Variants in NOS1AP observed in about 807,000 individuals in gnomAD.
NOS1AP encodes the protein nitric oxide synthase 1 adaptor protein.
A neutral mutation model predicts 56.2 loss-of-function variants in NOS1AP; 21 were observed. The ratio of observed to expected loss-of-function variants is 0.37; its 90% confidence interval spans 0.26 to 0.54. The LOEUF (loss-of-function observed/expected upper bound fraction) is 0.54. NOS1AP is among the 20% of genes least tolerant of loss of function. NOS1AP has a pLI of 0.84. For synonymous variants in NOS1AP, 270 were observed against 274.6 expected, an observed-to-expected ratio of 0.98 and a Z score of 0.17; for missense variants, 522 against 657.8, an observed-to-expected ratio of 0.79 and a Z score of 2.26.
intron 1 of NOS1AP, among the ~76,000 whole-genome samples, chr1:162,134,578 T>C (rs1467996136): frequency 2.6e-5 from 4 of 151,242 alleles, no homozygotes; most frequent in Non-Finnish European, 5.9e-5. Context: ...TGGAGATGCA[T>C]GCATTCAGTG....
At chr1:162,180,724 G>A (rs569946215) in intron 2 of NOS1AP, among the ~76,000 whole-genome samples, 3 of 152,200 alleles carry the variant, frequency 2.0e-5, no homozygotes, top group African/African-American at 4.8e-5. Flanking sequence ...TTCTGCCAAC[G>A]ACAACGTGAG....
At chr1:162,247,466 G>A (rs1403532322) in intron 2 of NOS1AP, among the ~76,000 whole-genome samples, 3 of 152,148 alleles carry the variant, frequency 2.0e-5, no homozygotes, top group East Asian at 1.9e-4. Flanking sequence ...CTGGAGCACT[G>A]TAGGCCCCAC....
intron 1 of NOS1AP, among the ~76,000 whole-genome samples, chr1:162,113,650 C>T (rs557417495): frequency 6.6e-6 from 1 of 152,140 alleles, no homozygotes; most frequent in South Asian, 2.1e-4. Flanking sequence ...GGAGGGGTGC[C>T]ACACACTTTT....
intron 1 of NOS1AP, among the ~76,000 whole-genome samples, chr1:162,072,706 A>G (rs374244397): frequency 1.3e-5 from 2 of 152,196 alleles, no homozygotes; most frequent in African/African-American, 4.8e-5. Flanking sequence ...TTCAAACACC[A>G]TGTTAGTCAA....
At chr1:162,223,801 A>G (rs561413358) in intron 2 of NOS1AP, among the ~76,000 whole-genome samples, 1 of 152,332 alleles carries the variant, frequency 6.6e-6, no homozygotes, top group South Asian at 2.1e-4. Context: ...AGTTTAGTCT[A>G]TTTGAAGGAA....
chr1:162,146,088 G>T (rs1649453375), intron 1 of NOS1AP, among the ~76,000 whole-genome samples: 1 of 152,204 alleles, frequency 6.6e-6, no homozygotes, highest in Non-Finnish European at 1.5e-5. Flanking sequence ...GGAGATGAGA[G>T]CTGGGAGTGC....
chr1:162,336,174 A>G (rs1656934010), intron 5 of NOS1AP, among the ~76,000 whole-genome samples: 1 of 152,212 alleles, frequency 6.6e-6, no homozygotes, highest in African/African-American at 2.4e-5. Flanking sequence ...TAGTTGCTAT[A>G]TGCCTGAGAC....
At chr1:162,320,193 T>C (rs1284564350) in intron 4 of NOS1AP, among the ~76,000 whole-genome samples, 1 of 151,998 alleles carries the variant, frequency 6.6e-6, no homozygotes, top group Non-Finnish European at 1.5e-5. Flanking sequence ...AGAGAGGTCA[T>C]GCTGGACCAC....
chr1:162,289,849 T>C (rs1392904652), intron 3 of NOS1AP, among the ~76,000 whole-genome samples: 7 of 152,356 alleles, frequency 4.6e-5, no homozygotes, highest in African/African-American at 1.7e-4. Flanking sequence ...GGTATCTTCA[T>C]ACACCTCTGT....
intron 2 of NOS1AP, among the ~76,000 whole-genome samples, chr1:162,155,282 A>ATATATG (rs1649904426): frequency 2.2e-5 from 3 of 138,820 alleles, no homozygotes; most frequent in Admixed American, 7.1e-5. Context: ...ACATATACAC[A>ATATATG]TATATACATA....
At chr1:162,355,404 T>G in intron 7 of NOS1AP, 51 bp downstream of exon 7, 1 of 1,609,314 alleles carries the variant, frequency 6.2e-7, no homozygotes, top group South Asian at 1.1e-5. Context: ...TGCCCTCAGG[T>G]CATCAGTCAC....
chr1:162,154,704 T>A (rs369282877), intron 2 of NOS1AP, among the ~76,000 whole-genome samples: 3 of 152,210 alleles, frequency 2.0e-5, no homozygotes, highest in African/African-American at 7.2e-5. Flanking sequence ...TTCCCTCTCT[T>A]GTGACCTGTA....
intron 2 of NOS1AP, among the ~76,000 whole-genome samples, chr1:162,154,713 T>C (rs1334217796): frequency 6.6e-6 from 1 of 152,198 alleles, no homozygotes; most frequent in African/African-American, 2.4e-5. Flanking sequence ...TTGTGACCTG[T>C]AGCTCCTCAA....
At chr1:162,343,658 C>T (rs1657180946) in intron 5 of NOS1AP, among the ~76,000 whole-genome samples, 177 bp from the exon 6 acceptor site, 1 of 152,234 alleles carries the variant, frequency 6.6e-6, no homozygotes, top group Non-Finnish European at 1.5e-5. Context: ...ACTGTGGTGA[C>T]AGTTTCTGTT....
chr1:162,201,589 T>G (rs540942181), intron 2 of NOS1AP, among the ~76,000 whole-genome samples: 122 of 152,360 alleles, frequency 8.0e-4, no homozygotes, highest in African/African-American at 2.8e-3. Flanking sequence ...TGTTCCTTTT[T>G]CTCTGCAACC....
chr1:162,148,618 G>C (rs1649581389), intron 1 of NOS1AP, among the ~76,000 whole-genome samples: 1 of 152,236 alleles, frequency 6.6e-6, no homozygotes, highest in African/African-American at 2.4e-5. Flanking sequence ...GTGAGATGAA[G>C]CTGGACCATG....
chr1:162,072,059 C>CAGACAGAT (rs1553254077), intron 1 of NOS1AP, among the ~76,000 whole-genome samples: 2 of 141,588 alleles, frequency 1.4e-5, no homozygotes, highest in African/African-American at 5.4e-5. Flanking sequence ...GACCCTGTCT[C>CAGACAGAT]AGATAGATAG....
chr1:162,320,982 C>T (rs1656396001), intron 4 of NOS1AP, among the ~76,000 whole-genome samples: 1 of 152,126 alleles, frequency 6.6e-6, no homozygotes, highest in Non-Finnish European at 1.5e-5. Context: ...AGTAAAGGTA[C>T]ACAGTCCTTT....
chr1:162,078,061 C>T (rs1363048477), intron 1 of NOS1AP, among the ~76,000 whole-genome samples: 1 of 152,166 alleles, frequency 6.6e-6, no homozygotes, highest in Non-Finnish European at 1.5e-5. Flanking sequence ...TCAGCCAGCC[C>T]CTTGCCCCTG....
Sources: allele counts gnomAD v4.1 joint callset (sites outside exome capture counted in the v4.1 genomes callset), GRCh38; gene constraint gnomAD v4.1.1; transcripts MANE v1.5; gene names NCBI Gene and HGNC (gene_info 2026-07-23, HGNC 2026-07-21).